The following SUCLG2 variants were observed in gnomAD, a reference collection of about 807,000 sequenced individuals.
The protein encoded by SUCLG2 is succinate--CoA ligase [GDP-forming] subunit beta, mitochondrial.
A neutral mutation model predicts 47.9 loss-of-function variants in SUCLG2; 42 were observed. The observed-to-expected ratio is 0.88, with a 90% CI of 0.69 to 1.14. The LOEUF (loss-of-function observed/expected upper bound fraction) is 1.14. Ranked by LOEUF, SUCLG2 falls within the 50% of genes most tolerant of loss-of-function variation. The pLI is 0.00. For missense variants in SUCLG2, 571 were observed against 525.9 expected, an observed-to-expected ratio of 1.09 and a Z score of -0.84; for synonymous variants, 195 against 197.3, an observed-to-expected ratio of 0.99 and a Z score of 0.10.
chr3:67,541,630 G>T (rs1337992142), intron 2 of SUCLG2, among the ~76,000 whole-genome samples: 1 of 152,166 alleles, frequency 6.6e-6, no homozygotes, highest in African/African-American at 2.4e-5. Flanking sequence ...AACCTAGCAA[G>T]GCAGGCCAAA....
intron 2 of SUCLG2, among the ~76,000 whole-genome samples, chr3:67,604,957 C>T (rs181778390): frequency 1.3e-5 from 2 of 152,256 alleles, no homozygotes; most frequent in African/African-American, 4.8e-5. Context: ...TATGAACTCT[C>T]CTAACACATG....
chr3:67,534,768 C>CAA (rs60612549), intron 2 of SUCLG2, among the ~76,000 whole-genome samples: 1,427 of 34,924 alleles, frequency 0.041, 334 homozygotes, highest in African/African-American at 0.078. Context: ...ACACTGATGG[C>CAA]AAAAAAAAAA....
chr3:67,603,431 GTGATTACATA>G (rs1708464000), intron 2 of SUCLG2, among the ~76,000 whole-genome samples: 1 of 152,322 alleles, frequency 6.6e-6, no homozygotes, highest in African/African-American at 2.4e-5. Context: ...GCTTTAGGAT[GTGATTACATA>G]ATACCAAAAG....
intron 2 of SUCLG2, among the ~76,000 whole-genome samples, chr3:67,578,756 A>T (rs1024807319): frequency 1.3e-5 from 2 of 152,226 alleles, no homozygotes; most frequent in African/African-American, 2.4e-5. Flanking sequence ...CAAGGAATTT[A>T]TCTGCAGGCT....
At chr3:67,380,173 T>C (rs1229374787) in intron 10 of SUCLG2, among the ~76,000 whole-genome samples, 4 of 152,010 alleles carry the variant, frequency 2.6e-5, no homozygotes, top group African/African-American at 9.7e-5. Context: ...GGATTTTTTT[T>C]TTTTTTTTGG....
intron 2 of SUCLG2, among the ~76,000 whole-genome samples, chr3:67,604,716 C>T (rs1205716077): frequency 6.6e-6 from 1 of 152,118 alleles, no homozygotes; most frequent in Non-Finnish European, 1.5e-5. Flanking sequence ...GTGCCAAAGA[C>T]ACTCATGAAC....
intron 2 of SUCLG2, among the ~76,000 whole-genome samples, chr3:67,587,575 G>A (rs1708056857): frequency 3.3e-5 from 5 of 152,196 alleles, no homozygotes. Context: ...TGCAGTGACA[G>A]CTGGAATGGA....
chr3:67,482,575 CG>C (rs1422385356), intron 9 of SUCLG2, among the ~76,000 whole-genome samples: 1 of 152,136 alleles, frequency 6.6e-6, no homozygotes, highest in East Asian at 1.9e-4. Flanking sequence ...ACTATTTGGT[CG>C]TTCAGCTTAA....
Position 67,609,637 on chromosome 3 carries a change from A to T in SUCLG2, c.85-41T>A, listed in dbSNP as rs139669573. ...GAGAGAGGTAAGAACATTCATTAAT[A>T]GCAAGAAAAATAAAAGTCAACCTAC... On this transcript the variant is annotated intron_variant, in intron 1 of 10. Transcript: ENST00000307227. 5.2e-4 allele frequency: 833 copies of T among 1,591,306 alleles called. 1 individual carries two copies. Among genetic ancestry groups the T allele is most frequent in the Non-Finnish European group, 6.4e-4 (750 of 1,168,766 alleles).
chr3:67,493,169 G>T (rs1001445948), intron 9 of SUCLG2, among the ~76,000 whole-genome samples: 2 of 152,122 alleles, frequency 1.3e-5, no homozygotes, highest in African/African-American at 4.8e-5. Flanking sequence ...CAGCCAGTTT[G>T]CTTGCAAAAT....
At chr3:67,388,491 C>A (rs1702306813) in intron 10 of SUCLG2, among the ~76,000 whole-genome samples, 1 of 152,092 alleles carries the variant, frequency 6.6e-6, no homozygotes. Context: ...TGGAGCAGAC[C>A]CATAGCAAGA....
intron 9 of SUCLG2, among the ~76,000 whole-genome samples, chr3:67,437,659 A>T (rs1489018500): frequency 6.6e-6 from 1 of 151,996 alleles, no homozygotes; most frequent in Non-Finnish European, 1.5e-5. Context: ...TTTTTAAAAG[A>T]AGAGGCTTTT....
intron 1 of SUCLG2, among the ~76,000 whole-genome samples, chr3:67,646,488 G>A (rs1304080780): frequency 2.6e-5 from 4 of 152,040 alleles, no homozygotes; most frequent in African/African-American, 9.7e-5. Flanking sequence ...CCAGCTACTT[G>A]GGAGGCTGAG....
intron 10 of SUCLG2, among the ~76,000 whole-genome samples, chr3:67,377,613 G>T (rs1031857325): frequency 2.0e-5 from 3 of 152,106 alleles, no homozygotes; most frequent in African/African-American, 4.8e-5. Context: ...TCCTAGCTGG[G>T]GCAGCCCTGG....
intron 10 of SUCLG2, among the ~76,000 whole-genome samples, chr3:67,360,958 T>C (rs1349142882): frequency 1.3e-5 from 2 of 152,206 alleles, no homozygotes; most frequent in African/African-American, 2.4e-5. Context: ...CTCTCGTTTA[T>C]TGGGAAAACA....
intron 9 of SUCLG2, among the ~76,000 whole-genome samples, chr3:67,427,738 A>G (rs1045133871): frequency 2.0e-5 from 3 of 152,208 alleles, no homozygotes; most frequent in African/African-American, 4.8e-5. Flanking sequence ...GACAAACAGT[A>G]TCTGGAAAAT....
chr3:67,573,508 A>G (rs1575788171), intron 2 of SUCLG2, among the ~76,000 whole-genome samples: 2 of 152,200 alleles, frequency 1.3e-5, no homozygotes, highest in African/African-American at 4.8e-5. Context: ...AGCTTAACAC[A>G]ATGTATTATC....
chr3:67,378,468 G>A (rs944960481), intron 10 of SUCLG2, among the ~76,000 whole-genome samples: 1 of 152,206 alleles, frequency 6.6e-6, no homozygotes, highest in Non-Finnish European at 1.5e-5. Flanking sequence ...CGGCTGATGA[G>A]GAACTGAGGC....
chr3:67,446,845 A>T (rs950645122), intron 9 of SUCLG2, among the ~76,000 whole-genome samples: 22 of 152,060 alleles, frequency 1.4e-4, no homozygotes, highest in Non-Finnish European at 2.4e-4. Flanking sequence ...CACTATAATC[A>T]CTATTCACTT....
Sources: allele counts gnomAD v4.1 joint callset (sites outside exome capture counted in the v4.1 genomes callset), GRCh38; gene constraint gnomAD v4.1.1; transcripts MANE v1.5; gene names NCBI Gene and HGNC (gene_info 2026-07-23, HGNC 2026-07-21).